The following NELL2 variants were observed in gnomAD, a reference collection of about 807,000 sequenced individuals.
The protein encoded by NELL2 is protein kinase C-binding protein NELL2.
In NELL2, 41 loss-of-function variants were observed where a neutral mutation model predicts 109.6. That is an observed-to-expected ratio of 0.37 (90% CI 0.29 to 0.49). The LOEUF is 0.49. Ranked by LOEUF, NELL2 falls within the 20% of genes least tolerant of loss-of-function variation. The probability of loss-of-function intolerance (pLI) is 0.98; values close to 1 mark genes in which losing one functional copy is unlikely to be tolerated. For missense variants in NELL2, 900 were observed against 1,008.3 expected (o/e 0.89, Z 1.45); for synonymous variants, 355 against 344.7 (o/e 1.03, Z -0.33).
intron 2 of NELL2, among the ~76,000 whole-genome samples, chr12:44,873,272 A>G (rs770512803): frequency 6.6e-6 from 1 of 152,336 alleles, no homozygotes; most frequent in Middle Eastern, 3.4e-3. Flanking sequence ...TCAACAAGGA[A>G]GGAAAAACAA....
intron 12 of NELL2, among the ~76,000 whole-genome samples, chr12:44,689,720 G>A (rs554853702): frequency 2.1e-4 from 32 of 152,302 alleles, no homozygotes; most frequent in African/African-American, 7.5e-4. Context: ...ATTTGGCAAT[G>A]TCTACAAACA....
chr12:44,820,771 C>T (rs963787405), intron 2 of NELL2, among the ~76,000 whole-genome samples: 3 of 152,028 alleles, frequency 2.0e-5, no homozygotes, highest in Non-Finnish European at 4.4e-5. Flanking sequence ...CTGATGGTAC[C>T]CAAATGGGAT....
intron 9 of NELL2, among the ~76,000 whole-genome samples, chr12:44,734,719 T>G (rs1592423332): frequency 6.6e-6 from 1 of 152,122 alleles, no homozygotes; most frequent in East Asian, 1.9e-4. Flanking sequence ...AACATATTTA[T>G]TCTCCCTACT....
At chr12:44,648,720 T>C (rs1592267021) in intron 13 of NELL2, among the ~76,000 whole-genome samples, 1 of 108,184 alleles carries the variant, frequency 9.2e-6, no homozygotes. Flanking sequence ...CATATATATA[T>C]ATATATATAT....
chr12:44,896,278 G>T (rs193285617), intron 1 of NELL2, among the ~76,000 whole-genome samples: 2 of 152,140 alleles, frequency 1.3e-5, no homozygotes, highest in African/African-American at 4.8e-5. Flanking sequence ...ACACAGCAAA[G>T]TTTAAAAAAA....
At chr12:44,707,282 C>A (rs1035392143) in intron 11 of NELL2, among the ~76,000 whole-genome samples, 2 of 152,120 alleles carry the variant, frequency 1.3e-5, no homozygotes, top group Non-Finnish European at 2.9e-5. Flanking sequence ...AAACTCAATT[C>A]TGGGGGTTTT....
chr12:44,688,434 T>TAG (rs1948796099), intron 12 of NELL2, among the ~76,000 whole-genome samples: 1 of 152,186 alleles, frequency 6.6e-6, no homozygotes, highest in African/African-American at 2.4e-5. Flanking sequence ...ATGACAAACT[T>TAG]TTACTGACTT....
intron 15 of NELL2, among the ~76,000 whole-genome samples, chr12:44,587,284 A>AT (rs1555180981): frequency 5.5e-4 from 40 of 72,216 alleles, no homozygotes; most frequent in Middle Eastern, 9.3e-3. Flanking sequence ...AAAAAAAAAA[A>AT]ATATATATAT....
intron 13 of NELL2, among the ~76,000 whole-genome samples, chr12:44,634,651 A>G (rs960817135): frequency 4.6e-5 from 7 of 152,178 alleles, no homozygotes; most frequent in Non-Finnish European, 1.0e-4. Context: ...ATGTGTCTTT[A>G]TATTAGAATG....
intron 15 of NELL2, among the ~76,000 whole-genome samples, chr12:44,579,988 T>TA (rs60329075): frequency 0.068 from 10,370 of 152,194 alleles, 1,126 homozygotes; most frequent in African/African-American, 0.23. Context: ...TTTTATGGGT[T>TA]TTTATATACA....
At chr12:44,825,196 G>A (rs1943670919) in intron 2 of NELL2, among the ~76,000 whole-genome samples, 1 of 151,970 alleles carries the variant, frequency 6.6e-6, no homozygotes, top group Non-Finnish European at 1.5e-5. Flanking sequence ...ACATAACTAT[G>A]GGTAGTATGG....
At chr12:44,694,667 A>T (rs769896994) in intron 12 of NELL2, among the ~76,000 whole-genome samples, 5 of 151,692 alleles carry the variant, frequency 3.3e-5, no homozygotes, top group Non-Finnish European at 5.9e-5. Context: ...ATCATTAATG[A>T]CAGTTTTGAA....
chr12:44,786,221 C>T (rs956629512), intron 3 of NELL2, among the ~76,000 whole-genome samples: 3 of 151,098 alleles, frequency 2.0e-5, no homozygotes, highest in Non-Finnish European at 4.5e-5. Flanking sequence ...TGGGCAAAGA[C>T]TAACAGACAC....
intron 1 of NELL2, among the ~76,000 whole-genome samples, chr12:44,891,621 A>G (rs1945535084): frequency 6.8e-6 from 1 of 147,418 alleles, no homozygotes; most frequent in South Asian, 2.2e-4. Context: ...TGTAACACTG[A>G]TTTTTTTTCC....
intron 15 of NELL2, among the ~76,000 whole-genome samples, chr12:44,561,487 G>T (rs929039117): frequency 6.6e-6 from 1 of 152,122 alleles, no homozygotes; most frequent in African/African-American, 2.4e-5. Flanking sequence ...CAAAGGCTCA[G>T]GATACAAAAT....
intron 2 of NELL2, among the ~76,000 whole-genome samples, chr12:44,824,713 C>CT (rs1159134863): frequency 0.019 from 2,516 of 132,526 alleles, 71 homozygotes; most frequent in East Asian, 0.059. Flanking sequence ...ATTTTATTTA[C>CT]TTTTTTTTTT....
intron 9 of NELL2, among the ~76,000 whole-genome samples, chr12:44,737,373 CA>C (rs1484830516): frequency 1.6e-5 from 2 of 121,690 alleles, no homozygotes; most frequent in African/African-American, 2.7e-5. Flanking sequence ...TTATAATAAA[CA>C]AAAAACTTGT....
rs796170424 is a variant in NELL2, at chr12:44,740,652, G to GA, written c.995-25912dup. 3.0e-4 allele frequency among the ~76,000 whole-genome samples: 45 copies of GA among 150,530 alleles called. No homozygotes were observed. In the South Asian group the frequency reaches 6.7e-3, roughly 23 times the overall value. On this transcript the variant is annotated intron_variant, in intron 9 of 19. Transcript: ENST00000429094. Reference sequence around the variant, plus strand: ...GGTTAAAAAGTATAAATTCAAGAGGGAAAAAAAAAGAGTCTAGAATGGGGA... The same window carrying GA: ...GGTTAAAAAGTATAAATTCAAGAGGGAAAAAAAAAAGAGTCTAGAATGGGGA...
In NELL2 at chr12:44,875,881, G is replaced by C. The variant is rs1945305263; in HGVS notation, c.-12C>G. 1 of 1,613,810 alleles carries C rather than the reference G, an allele frequency of 6.2e-7. No individual in the cohort carries two copies. Among genetic ancestry groups the C allele is most frequent in the Non-Finnish European group, 8.5e-7 (1 of 1,180,048 alleles). ...ACCCGAGACTCCATGGTGCGGATCA[G>C]CTCAGTCCATCGTCTCCCTCTTTAA... On this transcript the variant is annotated 5_prime_UTR_variant, in exon 1 of 20. Transcript: ENST00000429094.
Sources: gnomAD v4.1 joint callset for allele counts (sites outside exome capture counted in the v4.1 genomes callset) on GRCh38, gnomAD v4.1.1 for gene constraint, MANE v1.5 for transcripts, NCBI Gene and HGNC (gene_info 2026-07-23, HGNC 2026-07-21) for gene names.